CREBRF: variants seen among roughly 807,000 people sequenced by gnomAD.
CREBRF encodes CREB3 regulatory factor.
Under a neutral mutation model 66.1 loss-of-function variants are expected in CREBRF, and 5 were observed. The ratio of observed to expected loss-of-function variants is 0.08; its 90% confidence interval spans 0.04 to 0.16. The LOEUF is 0.16. CREBRF is among the 10% of genes least tolerant of loss of function. The probability of loss-of-function intolerance (pLI) is 1.00; values close to 1 mark genes in which losing one functional copy is unlikely to be tolerated. For missense variants in CREBRF, 531 were observed against 744.9 expected (o/e 0.71, Z 3.34); for synonymous variants, 229 against 264.4 (o/e 0.87, Z 1.30).
intron 8 of CREBRF, among the ~76,000 whole-genome samples, chr5:173,131,695 TACACACACACAC>T (rs67580803): frequency 3.9e-4 from 58 of 148,912 alleles, no homozygotes; most frequent in East Asian, 1.2e-3. Context: ...TATATATGTA[TACACACACACAC>T]ACACACACAC....
intron 8 of CREBRF, among the ~76,000 whole-genome samples, chr5:173,125,474 T>C (rs1759247756): frequency 6.6e-6 from 1 of 152,246 alleles, no homozygotes; most frequent in Non-Finnish European, 1.5e-5. Flanking sequence ...CTGTTGTTCA[T>C]ATATGTGTGA....
intron 8 of CREBRF, among the ~76,000 whole-genome samples, chr5:173,130,515 T>C (rs916115265): frequency 4.0e-5 from 6 of 151,732 alleles, no homozygotes; most frequent in African/African-American, 1.4e-4. Flanking sequence ...TTCACTGTTC[T>C]TTAAAATTCA....
At chr5:173,125,828 C>T (rs938177269) in intron 8 of CREBRF, among the ~76,000 whole-genome samples, 4 of 152,314 alleles carry the variant, frequency 2.6e-5, no homozygotes, top group South Asian at 2.1e-4. Flanking sequence ...TGTGCCACTG[C>T]GCTCCCGCCT....
At chr5:173,120,984 C>A (rs559909536) in intron 7 of CREBRF, among the ~76,000 whole-genome samples, 1 of 152,136 alleles carries the variant, frequency 6.6e-6, no homozygotes, top group Admixed American at 6.5e-5. Context: ...CGAGCCACCG[C>A]GTCCGGCCTT....
At position 173,085,861 on chromosome 5, in the gene CREBRF, G is replaced by T. The variant is rs534596164; in HGVS notation, c.10-640G>T. On this transcript the variant is annotated intron_variant, in intron 2 of 8. Transcript: ENST00000296953. ...TGGCAAGTTTCTCAATAGTAGAGGGGTCATCTCTGAGATCAGTTTGGGTCC... is the reference window on the plus strand; with the variant it reads ...TGGCAAGTTTCTCAATAGTAGAGGGTTCATCTCTGAGATCAGTTTGGGTCC... 29 of 797,664 alleles carry T rather than the reference G, an allele frequency of 3.6e-5. 1 individual carries two copies. In the African/African-American group the frequency reaches 4.7e-4, roughly 13 times the overall value. 49.4% of individuals were successfully genotyped at this position (797,664 alleles called of 1,614,324 possible). A position where few individuals can be genotyped will look rare whatever the true frequency, so the allele number is the denominator to read the frequency against.
At chr5:173,064,469 G>A (rs1349150144) in intron 1 of CREBRF, among the ~76,000 whole-genome samples, 4 of 151,790 alleles carry the variant, frequency 2.6e-5, no homozygotes, top group Non-Finnish European at 5.9e-5. Flanking sequence ...CTGCAGCCTT[G>A]ACTTTCCAGG....
At chr5:173,130,511 G>A (rs1055887461) in intron 8 of CREBRF, among the ~76,000 whole-genome samples, 1 of 149,814 alleles carries the variant, frequency 6.7e-6, no homozygotes, top group African/African-American at 2.4e-5. Flanking sequence ...TGTTTTCACT[G>A]TTCTTTAAAA....
At chr5:173,064,001 C>T (rs1345562839) in intron 1 of CREBRF, among the ~76,000 whole-genome samples, 2 of 152,134 alleles carry the variant, frequency 1.3e-5, no homozygotes, top group Non-Finnish European at 2.9e-5. Context: ...GGATTACAGG[C>T]GTGAGCCAAT....
intron 1 of CREBRF, among the ~76,000 whole-genome samples, chr5:173,077,753 C>A (rs546899095): frequency 2.0e-5 from 3 of 152,146 alleles, no homozygotes; most frequent in Non-Finnish European, 4.4e-5. Flanking sequence ...TAAAAACTAT[C>A]CCAGCCCTTA....
intron 8 of CREBRF, among the ~76,000 whole-genome samples, chr5:173,126,809 C>T (rs1412893287): frequency 6.6e-6 from 1 of 152,106 alleles, no homozygotes. Flanking sequence ...CCTAGGGATA[C>T]CTTATCACTT....
At chr5:173,098,710 T>G (rs950422609) in intron 4 of CREBRF, among the ~76,000 whole-genome samples, 1 of 152,154 alleles carries the variant, frequency 6.6e-6, no homozygotes, top group Non-Finnish European at 1.5e-5. Flanking sequence ...TCCCCTATAT[T>G]ACCGTCTGTT....
intron 6 of CREBRF, among the ~76,000 whole-genome samples, chr5:173,112,000 A>G (rs1393924343): frequency 1.3e-5 from 2 of 152,184 alleles, no homozygotes; most frequent in Admixed American, 6.5e-5. Flanking sequence ...TTAAAAATCA[A>G]TTTGCATAAA....
At chr5:173,128,526 G>A (rs1014718828) in intron 8 of CREBRF, among the ~76,000 whole-genome samples, 1 of 151,322 alleles carries the variant, frequency 6.6e-6, no homozygotes, top group Non-Finnish European at 1.5e-5. Flanking sequence ...ATGTATTTCA[G>A]TTTCATCTCA....
In CREBRF at chr5:173,138,448, C is replaced by T. The variant is rs1371329566; in HGVS notation, c.*4703C>T. The T allele has an allele frequency of 6.6e-6, 1 of 152,106 alleles. No individual in the cohort carries two copies. The highest frequency in any genetic ancestry group is 1.5e-5 in the Non-Finnish European group (1 of 67,996). 9.4% of individuals were successfully genotyped at this position (152,106 alleles called of 1,614,324 possible). On this transcript the variant is annotated 3_prime_UTR_variant, in exon 9 of 9. Transcript: ENST00000296953. ...AATTACACCTAGGAACTGAGCTAGG[C>T]CAAATTGCCATTTTTGTTTAGAGAG...
intron 8 of CREBRF, among the ~76,000 whole-genome samples, chr5:173,130,278 C>CT (rs986747755): frequency 4.6e-5 from 7 of 151,522 alleles, no homozygotes; most frequent in African/African-American, 9.7e-5. Flanking sequence ...TTTATGTGGC[C>CT]TTTTTTTTGC....
chr5:173,083,672 C>A (rs1239780704), intron 2 of CREBRF, among the ~76,000 whole-genome samples: 1 of 152,164 alleles, frequency 6.6e-6, no homozygotes, highest in Non-Finnish European at 1.5e-5. Flanking sequence ...TTTGCTGTAT[C>A]TGCAGACCCT....
chr5:173,086,607 C>T lies in CREBRF; in HGVS notation c.116C>T (p.Pro39Leu). The change falls in exon 3 of 9, where the codon CCA becomes CTA. Residue 39 changes from proline (P) to leucine (L), a missense_variant. Physicochemically the swap from Pro to Leu is moderately conservative, Grantham distance 98. Transcript: ENST00000296953. ...GATCTCTTAGCAAACAGTTCGGATCCAGATTTCATGTATGAACTGGTAAGC... is the reference window on the plus strand; with the variant it reads ...GATCTCTTAGCAAACAGTTCGGATCTAGATTTCATGTATGAACTGGTAAGC... Reference protein sequence around the residue: ...STDLLANSSDPDFMYELDREM... With the variant: ...STDLLANSSDLDFMYELDREM... The T allele has an allele frequency of 6.2e-7, 1 of 1,611,818 alleles. No individual in the cohort carries two copies. Among genetic ancestry groups the T allele is most frequent in the Non-Finnish European group, 8.5e-7 (1 of 1,179,046 alleles).
chr5:173,130,555 C>T (rs1759399342), intron 8 of CREBRF, among the ~76,000 whole-genome samples: 2 of 150,828 alleles, frequency 1.3e-5, no homozygotes, highest in East Asian at 1.9e-4. Context: ...AAACCAGTCT[C>T]GCTCTGTCAC....
chr5:173,110,352 A>G (rs1286130532), intron 5 of CREBRF, 170 bp from the exon 6 acceptor site: 2 of 701,218 alleles, frequency 2.9e-6, no homozygotes, highest in African/African-American at 3.5e-5. Context: ...GAAGGAGAGG[A>G]GGCCAGCCCT....
Sources: gnomAD v4.1 joint callset for allele counts (sites outside exome capture counted in the v4.1 genomes callset) on GRCh38, gnomAD v4.1.1 for gene constraint, MANE v1.5 for transcripts, NCBI Gene and HGNC (gene_info 2026-07-23, HGNC 2026-07-21) for gene names.